The following NGEF variants were observed in gnomAD, a reference collection of about 807,000 sequenced individuals.
The protein encoded by NGEF is ephexin-1.
Under a neutral mutation model 80.9 loss-of-function variants are expected in NGEF, and 31 were observed. The ratio of observed to expected loss-of-function variants is 0.38; its 90% CI spans 0.29 to 0.52. The LOEUF is 0.52. NGEF is among the 20% of genes least tolerant of loss of function. The pLI is 0.84. For synonymous variants in NGEF, 371 were observed against 370.2 expected, an observed-to-expected ratio of 1.00 and a Z score of -0.03; for missense variants, 709 against 926.2, an observed-to-expected ratio of 0.77 and a Z score of 3.04.
intron 5 of NGEF, among the ~76,000 whole-genome samples, chr2:232,919,745 T>C (rs1231215629): frequency 6.6e-6 from 1 of 152,156 alleles, no homozygotes; most frequent in African/African-American, 2.4e-5. Flanking sequence ...AACCATCAAA[T>C]GAAGGGGCCA....
intron 1 of NGEF, among the ~76,000 whole-genome samples, chr2:233,008,450 T>C (rs563336451): frequency 6.6e-6 from 1 of 152,334 alleles, no homozygotes; most frequent in South Asian, 2.1e-4. Context: ...CCTGAAAGAC[T>C]GATACAAGCA....
At chr2:232,885,668 C>A in intron 9 of NGEF, 1 of 364,704 alleles carries the variant, frequency 2.7e-6, no homozygotes, top group Admixed American at 4.4e-5. Flanking sequence ...GTAGGCTGGA[C>A]GGACCGGCAG....
intron 1 of NGEF, among the ~76,000 whole-genome samples, chr2:232,997,555 T>A (rs1317558196): frequency 1.3e-5 from 2 of 152,072 alleles, no homozygotes; most frequent in African/African-American, 4.8e-5. Context: ...ATATCCACCG[T>A]AGATTTCTGC....
In NGEF at chr2:232,981,260, C is replaced by T. The variant is rs146043640; in HGVS notation, c.-74-6296G>A. On this transcript the variant is annotated intron_variant, in intron 1 of 14. Transcript: ENST00000264051. ...ACCTTTAAGCTGTCCTTGTTCATTC[C>T]TGGGCATAGGCCAAACTATAGGAAG... Among the ~76,000 whole-genome samples the T allele has an allele frequency of 7.8e-3, 1,185 of 151,294 alleles. 18 individuals are homozygous for T. Among genetic ancestry groups the T allele is most frequent in the Non-Finnish European group, 0.013 (878 of 67,916 alleles).
At chr2:232,970,750 G>A (rs1694168635) in intron 2 of NGEF, among the ~76,000 whole-genome samples, 1 of 152,018 alleles carries the variant, frequency 6.6e-6, no homozygotes, top group Non-Finnish European at 1.5e-5. Context: ...GGCAGGCGGA[G>A]GTTGCAGTGA....
chr2:232,994,091 T>G (rs973235379), intron 1 of NGEF, among the ~76,000 whole-genome samples: 2 of 152,156 alleles, frequency 1.3e-5, no homozygotes, highest in African/African-American at 4.8e-5. Flanking sequence ...GATATTAGGC[T>G]GGGTCCGGTG....
intron 3 of NGEF, among the ~76,000 whole-genome samples, chr2:232,968,822 A>T (rs1694121149): frequency 6.6e-6 from 1 of 152,188 alleles, no homozygotes; most frequent in Non-Finnish European, 1.5e-5. Flanking sequence ...GGCTTCAGGG[A>T]ATCTCCTTAA....
intron 1 of NGEF, among the ~76,000 whole-genome samples, chr2:233,012,153 C>T (rs908836017): frequency 1.3e-5 from 2 of 152,102 alleles, no homozygotes; most frequent in Admixed American, 1.3e-4. Flanking sequence ...TGGAACATTC[C>T]CACCAGTGGC....
At chr2:232,917,154 T>A (rs11690329) in intron 5 of NGEF, among the ~76,000 whole-genome samples, 19,741 of 152,250 alleles carry the variant, frequency 0.13, 1,469 homozygotes, top group South Asian at 0.28. Flanking sequence ...AGCTGAAAGC[T>A]CTGAAGAGTC....
At chr2:232,967,219 T>C (rs2106318331) in intron 3 of NGEF, among the ~76,000 whole-genome samples, 1 of 152,268 alleles carries the variant, frequency 6.6e-6, no homozygotes, top group East Asian at 1.9e-4. Flanking sequence ...AGACACCTGC[T>C]CTCCTTTTGC....
intron 4 of NGEF, 25 bp from the exon 5 acceptor site, chr2:232,920,610 G>A: frequency 6.6e-7 from 1 of 1,505,190 alleles, no homozygotes; most frequent in Non-Finnish European, 8.9e-7. Flanking sequence ...TTGTAAAAAA[G>A]AAAAGGAAAA....
chr2:232,914,626 C>A (rs1692754267), intron 5 of NGEF, among the ~76,000 whole-genome samples: 1 of 152,118 alleles, frequency 6.6e-6, no homozygotes. Context: ...TTGCTTGAAC[C>A]CAGGAGGCTA....
At chr2:232,885,218 C>T (rs1574985738) in intron 10 of NGEF, 62 bp downstream of exon 10, 1 of 1,492,494 alleles carries the variant, frequency 6.7e-7, no homozygotes, top group East Asian at 2.3e-5. Flanking sequence ...TGATCTGTGC[C>T]TCTGGGGCGG....
chr2:232,970,660 C>A (rs1170388208), intron 2 of NGEF, among the ~76,000 whole-genome samples: 1 of 152,036 alleles, frequency 6.6e-6, no homozygotes, highest in Non-Finnish European at 1.5e-5. Flanking sequence ...ACTAAAAATA[C>A]AAAAATTAGC....
In NGEF at chr2:232,996,855, G is replaced by C. The variant is rs75610360; in HGVS notation, c.-75+16213C>G. On this transcript the variant is annotated intron_variant, in intron 1 of 14. Coordinates refer to ENST00000264051, the MANE Select transcript of NGEF (RefSeq NM_019850.3). The stretch of plus-strand genomic sequence containing the variant: ...AAAATTTTAGCAGGATACATAAAGA[G>C]CCCATGTTAAGTGTACAGATTGCTG... Among the ~76,000 whole-genome samples, 351 of 152,274 alleles carry C rather than the reference G, an allele frequency of 2.3e-3. 4 individuals are homozygous for C. The highest frequency in any genetic ancestry group is 0.021 in the East Asian group (109 of 5,184).
chr2:232,938,714 G>A (rs1693380819), intron 3 of NGEF, among the ~76,000 whole-genome samples: 2 of 144,556 alleles, frequency 1.4e-5, no homozygotes, highest in Admixed American at 1.4e-4. Context: ...AGAGCAACCT[G>A]GGCAACATAG....
intron 9 of NGEF, among the ~76,000 whole-genome samples, chr2:232,886,579 A>G (rs1049492799): frequency 4.6e-5 from 7 of 152,106 alleles, no homozygotes; most frequent in Admixed American, 2.0e-4. Context: ...GGTATTGAGT[A>G]TAATTACTTT....
chr2:232,929,667 C>A (rs945416690), intron 3 of NGEF, among the ~76,000 whole-genome samples: 1 of 152,222 alleles, frequency 6.6e-6, no homozygotes, highest in Non-Finnish European at 1.5e-5. Context: ...TATCTCCAGG[C>A]AGCCACCTCC....
intron 1 of NGEF, among the ~76,000 whole-genome samples, chr2:232,979,629 G>A (rs1694368791): frequency 6.6e-6 from 1 of 152,098 alleles, no homozygotes; most frequent in Non-Finnish European, 1.5e-5. Context: ...CTTCAGGGTG[G>A]GGGAGCCTGG....
Sources: gnomAD v4.1 joint callset for allele counts (sites outside exome capture counted in the v4.1 genomes callset) on GRCh38, gnomAD v4.1.1 for gene constraint, MANE v1.5 for transcripts, NCBI Gene and HGNC (gene_info 2026-07-23, HGNC 2026-07-21) for gene names.